The following TRPC6 variants were observed in gnomAD, a reference collection of about 807,000 sequenced individuals.
TRPC6 encodes short transient receptor potential channel 6.
Under a neutral mutation model 90.7 loss-of-function variants are expected in TRPC6, and 55 were observed. The observed-to-expected ratio is 0.61, with a 90% CI of 0.49 to 0.76. The LOEUF is 0.76. Ranked by LOEUF, TRPC6 falls within the 30% of genes least tolerant of loss-of-function variation. The pLI is 0.00. For synonymous variants in TRPC6, 393 were observed against 393.0 expected, an observed-to-expected ratio of 1.00 and a Z score of 0.00; for missense variants, 989 against 1,122.7, an observed-to-expected ratio of 0.88 and a Z score of 1.70.
Position 101,466,074 on chromosome 11 carries a change from CCT to C in TRPC6, c.2484+3351_2484+3352del, listed in dbSNP as rs560136381. ...AGTCTGCTGGAGGTCCACTCCAGAC[CCT>C]GTTTGCCTGGGTATCACCAGCAGAG... On this transcript the variant is annotated intron_variant, in intron 10 of 12. Transcript: ENST00000344327. Among the ~76,000 whole-genome samples, 233 of 152,268 alleles carry C rather than the reference CCT, an allele frequency of 1.5e-3. 2 individuals are homozygous for C. Among genetic ancestry groups the C allele is most frequent in the African/African-American group, 5.3e-3 (222 of 41,550 alleles).
intron 1 of TRPC6, among the ~76,000 whole-genome samples, chr11:101,532,408 C>T (rs1860928491): frequency 6.6e-6 from 1 of 152,100 alleles, no homozygotes; most frequent in African/African-American, 2.4e-5. Context: ...TGAAGCTAAC[C>T]TGAGTTTGAG....
At chr11:101,506,937 T>C in intron 1 of TRPC6, among the ~76,000 whole-genome samples, 1 of 151,764 alleles carries the variant, frequency 6.6e-6, no homozygotes, top group Non-Finnish European at 1.5e-5. Context: ...TACTTCTTGA[T>C]TTTTCAGGTT....
At chr11:101,538,459 C>A (rs915983669) in intron 1 of TRPC6, among the ~76,000 whole-genome samples, 4 of 152,160 alleles carry the variant, frequency 2.6e-5, no homozygotes, top group Admixed American at 2.6e-4. Flanking sequence ...TCCTTACCCC[C>A]TCAACCAAAT....
chr11:101,463,132 A>T (rs2098869331), intron 10 of TRPC6, among the ~76,000 whole-genome samples: 1 of 152,088 alleles, frequency 6.6e-6, no homozygotes, highest in South Asian at 2.1e-4. Context: ...CGTATGTTGA[A>T]CCAGCCTTGC....
At chr11:101,570,830 T>G (rs1276916766) in intron 1 of TRPC6, among the ~76,000 whole-genome samples, 2 of 152,178 alleles carry the variant, frequency 1.3e-5, no homozygotes, top group African/African-American at 4.8e-5. Flanking sequence ...CAGCCCTTCA[T>G]GATAAAAACT....
chr11:101,547,139 C>T (rs1194261914), intron 1 of TRPC6, among the ~76,000 whole-genome samples: 1 of 152,106 alleles, frequency 6.6e-6, no homozygotes, highest in Non-Finnish European at 1.5e-5. Flanking sequence ...GCCATTGCTA[C>T]ATGGAATTCA....
At chr11:101,529,709 GGAT>G (rs1451109951) in intron 1 of TRPC6, among the ~76,000 whole-genome samples, 1 of 152,182 alleles carries the variant, frequency 6.6e-6, no homozygotes, top group Non-Finnish European at 1.5e-5. Flanking sequence ...ACAGTTGGCA[GGAT>G]AATGGAATAG....
Position 101,469,408 on chromosome 11 carries a change from T to C in TRPC6, c.2484+19A>G, listed in dbSNP as rs1265193518. ...GCCCGATCATGTGCATGACTTCATATTTTCAAATATGAGCTTACCTGTTTT... is the reference window on the plus strand; with the variant it reads ...GCCCGATCATGTGCATGACTTCATACTTTCAAATATGAGCTTACCTGTTTT... On this transcript the variant is annotated intron_variant, in intron 10 of 12. Transcript: ENST00000344327. 1 of 762,600 alleles carries C rather than the reference T, an allele frequency of 1.3e-6. No individual in the cohort carries two copies. Among genetic ancestry groups the C allele is most frequent in the African/African-American group, 1.7e-5 (1 of 59,036 alleles). 47.2% of individuals were successfully genotyped at this position (762,600 alleles called of 1,614,324 possible). A position where few individuals can be genotyped will look rare whatever the true frequency, so the allele number is the denominator to read the frequency against.
chr11:101,540,863 TA>T (rs1475843488), intron 1 of TRPC6, among the ~76,000 whole-genome samples: 1 of 152,142 alleles, frequency 6.6e-6, no homozygotes, highest in African/African-American at 2.4e-5. Context: ...GGAGAGGAGA[TA>T]AAGGCACGCA....
chr11:101,474,222 G>A (rs145629508), intron 6 of TRPC6, among the ~76,000 whole-genome samples: 1 of 152,294 alleles, frequency 6.6e-6, no homozygotes, highest in African/African-American at 2.4e-5. Context: ...ATAAATGGTA[G>A]CGTTTATTAT....
chr11:101,496,079 GGAGA>G (rs35713537), intron 2 of TRPC6, among the ~76,000 whole-genome samples: 4 of 149,824 alleles, frequency 2.7e-5, no homozygotes, highest in Admixed American at 6.6e-5. Context: ...TGTGGCAGCA[GGAGA>G]GAGAGAGAGA....
At chr11:101,568,027 C>G (rs9988861) in intron 1 of TRPC6, among the ~76,000 whole-genome samples, 10 of 151,966 alleles carry the variant, frequency 6.6e-5, no homozygotes, top group Admixed American at 6.5e-4. Context: ...GTTTGACGAA[C>G]TGACAGAAAT....
intron 1 of TRPC6, among the ~76,000 whole-genome samples, chr11:101,575,958 ACCTGTATCCAG>A (rs1468186039): frequency 6.6e-6 from 1 of 152,142 alleles, no homozygotes; most frequent in African/African-American, 2.4e-5. Context: ...AGCATAATCC[ACCTGTATCCAG>A]CTGTGCCTGG....
intron 7 of TRPC6, among the ~76,000 whole-genome samples, chr11:101,472,612 A>G (rs1859318198): frequency 6.6e-6 from 1 of 152,208 alleles, no homozygotes; most frequent in Non-Finnish European, 1.5e-5. Context: ...AACCACAGAT[A>G]TGAACACTTA....
chr11:101,576,478 C>T (rs1043172961), intron 1 of TRPC6, among the ~76,000 whole-genome samples: 1 of 152,168 alleles, frequency 6.6e-6, no homozygotes, highest in Non-Finnish European at 1.5e-5. Context: ...TCTATAAGAA[C>T]TGTGATTCAG....
intron 2 of TRPC6, among the ~76,000 whole-genome samples, chr11:101,495,914 T>C (rs537707674): frequency 6.6e-5 from 10 of 152,222 alleles, no homozygotes; most frequent in South Asian, 2.1e-4. Context: ...AATAGAAGCA[T>C]TGACACTCAA....
chr11:101,571,233 A>C (rs904706105), intron 1 of TRPC6, among the ~76,000 whole-genome samples: 1 of 152,128 alleles, frequency 6.6e-6, no homozygotes, highest in Non-Finnish European at 1.5e-5. Context: ...ATAACAGACA[A>C]ACAGACAGCC....
intron 1 of TRPC6, among the ~76,000 whole-genome samples, chr11:101,540,041 G>T (rs1375531982): frequency 6.6e-6 from 1 of 152,200 alleles, no homozygotes; most frequent in Non-Finnish European, 1.5e-5. Flanking sequence ...TCAAAATACA[G>T]CAAATAATTG....
intron 1 of TRPC6, among the ~76,000 whole-genome samples, chr11:101,539,056 T>G (rs1023242083): frequency 6.6e-6 from 1 of 152,200 alleles, no homozygotes; most frequent in Non-Finnish European, 1.5e-5. Context: ...GAAATACACG[T>G]ATGTTGTTTC....
Sources: allele counts gnomAD v4.1 joint callset (sites outside exome capture counted in the v4.1 genomes callset), GRCh38; gene constraint gnomAD v4.1.1; transcripts MANE v1.5; gene names NCBI Gene and HGNC (gene_info 2026-07-23, HGNC 2026-07-21).